The following AQP7 variants were observed in gnomAD, a reference collection of about 807,000 sequenced individuals.
The protein encoded by AQP7 is aquaporin-7.
In AQP7, 22 loss-of-function variants were observed where a neutral mutation model predicts 26.1. That is an observed-to-expected ratio of 0.84 (90% CI 0.60 to 1.20). AQP7 has a LOEUF of 1.20. AQP7 is among the 50% of genes most tolerant of loss of function. The pLI is 0.00. For missense variants in AQP7, 412 were observed against 457.5 expected (o/e 0.90, Z 0.91); for synonymous variants, 167 against 181.7 (o/e 0.92, Z 0.65).
At chr9:33,386,026 G>A (rs371531714) in intron 6 of AQP7, 51 bp downstream of exon 6, 206 of 1,609,310 alleles carry the variant, frequency 1.3e-4, no homozygotes, top group Non-Finnish European at 1.7e-4. Flanking sequence ...TGCTGGCTCC[G>A]TCCTGAGGGG....
intron 7 of AQP7, 77 bp from the exon 8 acceptor site, chr9:33,385,367 G>A (rs1457130629): frequency 1.3e-6 from 2 of 1,511,468 alleles, no homozygotes; most frequent in East Asian, 4.5e-5. Flanking sequence ...GGCCAAGACA[G>A]GTTGAGCAGA....
At chr9:33,400,807 A>G (rs1826211615) in intron 2 of AQP7, among the ~76,000 whole-genome samples, 2 of 140,394 alleles carry the variant, frequency 1.4e-5, no homozygotes, top group East Asian at 2.0e-4. Flanking sequence ...TCCATCTCGG[A>G]AAAAAAAAAA....
intron 3 of AQP7, among the ~76,000 whole-genome samples, chr9:33,393,219 C>T (rs1287389454): frequency 2.0e-5 from 3 of 152,150 alleles, no homozygotes; most frequent in African/African-American, 7.2e-5. Flanking sequence ...CAGAGTGAGA[C>T]CCTGTCTCAA....
At position 33,385,777 on chromosome 9, in the gene AQP7, CA is replaced by C; in HGVS notation, c.614del (p.Val205GlyfsTer2). 6.2e-7 allele frequency: 1 copy of C among 1,613,488 alleles called. No individual in the cohort carries two copies. The highest frequency in any genetic ancestry group is 1.3e-5 in the African/African-American group (1 of 75,050). Reference sequence around the variant, plus strand: ...CGATGATGACCACGAGGATGCCTATCACCAGCGCCTCTGTTCCTGGCAGTGC... The same window carrying C: ...CGATGATGACCACGAGGATGCCTATCCCAGCGCCTCTGTTCCTGGCAGTGC... Reference protein sequence around the residue: ...NPALPGTEALVIGILVVIIGV... With the variant: ...NPALPGTEALXIGILVVIIGV... On this transcript the variant is annotated frameshift_variant, in exon 7 of 8. Coordinates refer to ENST00000297988, the MANE Select transcript of AQP7 (RefSeq NM_001170.3). LOFTEE classifies it high-confidence loss of function.
At chr9:33,395,368 G>A (rs1227699113) in intron 2 of AQP7, 173 bp from the exon 3 acceptor site, 30 of 626,058 alleles carry the variant, frequency 4.8e-5, no homozygotes, top group South Asian at 1.7e-4. Context: ...TGAGAGCCAC[G>A]GGGACATGGA....
At position 33,384,485 on chromosome 9, in the gene AQP7, G is replaced by GA. The variant is rs377380985; in HGVS notation, c.*519dup. 6.1e-3 allele frequency: 906 copies of GA among 148,224 alleles called. 12 individuals carry two copies. The highest frequency in any genetic ancestry group is 0.021 in the African/African-American group (827 of 40,156). The allele number at this position is 148,224 out of a possible 1,614,324, so 9.2% of individuals were successfully genotyped here. A position where few individuals can be genotyped will look rare whatever the true frequency, so the allele number is the denominator to read the frequency against. On this transcript the variant is annotated 3_prime_UTR_variant, in exon 8 of 8. Coordinates refer to ENST00000297988, the MANE Select transcript of AQP7 (RefSeq NM_001170.3). ...TGGTATTAAAATTTCATGTGATTAA[G>GA]AAAAAAAAAATCTAGAAGAATACTA...
intron 3 of AQP7, among the ~76,000 whole-genome samples, chr9:33,392,417 G>A (rs949279648): frequency 6.6e-6 from 1 of 152,132 alleles, no homozygotes; most frequent in Non-Finnish European, 1.5e-5. Flanking sequence ...CTGTGAAACT[G>A]GGATAATAAT....
chr9:33,385,994 C>T, intron 6 of AQP7, 83 bp downstream of exon 6: 2 of 1,585,406 alleles, frequency 1.3e-6, no homozygotes. Context: ...AGTTCTTGTC[C>T]TGTCTATCCG....
intron 4 of AQP7, 119 bp downstream of exon 4, chr9:33,386,850 C>T (rs1824865696): frequency 1.4e-6 from 2 of 1,461,722 alleles, no homozygotes; most frequent in African/African-American, 2.8e-5. Flanking sequence ...CTTCCTCCCG[C>T]CCGGTGGCCA....
chr9:33,398,780 A>G (rs1048878390), intron 2 of AQP7, among the ~76,000 whole-genome samples: 5 of 151,966 alleles, frequency 3.3e-5, no homozygotes, highest in Non-Finnish European at 7.4e-5. Flanking sequence ...AGCAAATCAC[A>G]GATGGTCATC....
intron 3 of AQP7, among the ~76,000 whole-genome samples, chr9:33,391,961 G>T (rs1175816584): frequency 6.6e-6 from 1 of 152,210 alleles, no homozygotes; most frequent in East Asian, 1.9e-4. Flanking sequence ...ACAAGCCAGA[G>T]TCTTCAAAAG....
intron 3 of AQP7, among the ~76,000 whole-genome samples, 192 bp from the exon 4 acceptor site, chr9:33,387,284 C>T (rs1246413384): frequency 6.6e-6 from 1 of 152,110 alleles, no homozygotes; most frequent in Non-Finnish European, 1.5e-5. Flanking sequence ...CCTGCTGAGG[C>T]CTCTCAGACC....
intron 6 of AQP7, 86 bp downstream of exon 6, chr9:33,385,991 G>T: frequency 6.3e-7 from 1 of 1,583,110 alleles, no homozygotes; most frequent in Non-Finnish European, 8.6e-7. Context: ...CAGAGTTCTT[G>T]TCCTGTCTAT....
chr9:33,390,864 C>G (rs929715689), intron 3 of AQP7, among the ~76,000 whole-genome samples: 3 of 152,242 alleles, frequency 2.0e-5, no homozygotes, highest in African/African-American at 7.2e-5. Context: ...GTAATCCCAG[C>G]ACTTTGGGAG....
intron 3 of AQP7, among the ~76,000 whole-genome samples, chr9:33,392,800 G>C (rs568488151): frequency 5.8e-4 from 88 of 152,344 alleles, no homozygotes; most frequent in Middle Eastern, 3.4e-3. Context: ...AGAGAGGAGA[G>C]AGCAGCTAGA....
intron 2 of AQP7, among the ~76,000 whole-genome samples, chr9:33,400,267 CGGAAAAAAACAGAGCAA>C (rs1826166614): frequency 6.6e-6 from 1 of 151,612 alleles, no homozygotes; most frequent in Non-Finnish European, 1.5e-5. Context: ...CCAGCTCCTA[CGGAAAAAAACAGAGCAA>C]GGAGAGGGGA....
chr9:33,391,047 T>G (rs2992831), intron 3 of AQP7, among the ~76,000 whole-genome samples: 2 of 151,694 alleles, frequency 1.3e-5, no homozygotes, highest in African/African-American at 2.4e-5. Flanking sequence ...GGAGGCAGAG[T>G]AGTGAACTGA....
rs376179168 is a variant in AQP7, at chr9:33,385,918, G to A, written c.526-52C>T. 2.7e-5 allele frequency: 42 copies of A among 1,574,268 alleles called. 1 individual carries two copies. Among genetic ancestry groups the A allele is most frequent in the South Asian group, 2.4e-4 (21 of 85,818 alleles). On this transcript the variant is annotated intron_variant, in intron 6 of 7. Coordinates refer to ENST00000297988, the MANE Select transcript of AQP7 (RefSeq NM_001170.3). ...ACCTGGGCCCCTCCCCAAGCCACAG[G>A]ACCTCGGCAGTGCCCCAGACCCAAG... is the stretch of plus-strand genomic sequence containing the variant.
At position 33,385,078 on chromosome 9, in the gene AQP7, A is replaced by C. The variant is rs1436024401; in HGVS notation, c.956T>G (p.Val319Gly). ...PTISPLTPVS[V>G]SPANRSSVHP... is the part of the protein sequence containing the mutation. ...GACTGAAGATCTGTTGGCAGGGCTC[A>C]CAGAGACGGGGGTGAGGGGAGAGAT... is the stretch of plus-strand genomic sequence containing the variant. The change falls in exon 8 of 8, where the codon GTG becomes GGG. Residue 319 changes from valine (V) to glycine (G), a missense_variant. Val to Gly is a moderately radical substitution (Grantham distance 109, BLOSUM62 -3). Coordinates refer to ENST00000297988, the MANE Select transcript of AQP7 (RefSeq NM_001170.3). 1.2e-6 allele frequency: 2 copies of C among 1,611,978 alleles called. No homozygotes were observed. Among genetic ancestry groups the C allele is most frequent in the East Asian group, 4.5e-5 (2 of 44,868 alleles).
Sources: gnomAD v4.1 joint callset for allele counts (sites outside exome capture counted in the v4.1 genomes callset) on GRCh38, gnomAD v4.1.1 for gene constraint, MANE v1.5 for transcripts, NCBI Gene and HGNC (gene_info 2026-07-23, HGNC 2026-07-21) for gene names.